The following PPARGC1A variants were observed in gnomAD, a reference collection of about 807,000 sequenced individuals.
PPARGC1A encodes the protein PPARG coactivator 1 alpha, also known as peroxisome proliferator-activated receptor gamma coactivator 1-alpha.
PPARGC1A carries 25 observed loss-of-function variants against 88.7 expected under a neutral mutation model. The ratio of observed to expected loss-of-function variants is 0.28; its 90% CI spans 0.21 to 0.39. The LOEUF (loss-of-function observed/expected upper bound fraction) is 0.39. Ranked by LOEUF, PPARGC1A falls within the 10% of genes least tolerant of loss-of-function variation. The pLI, the probability that PPARGC1A is intolerant of heterozygous loss-of-function variation, is 1.00. For missense variants in PPARGC1A, 880 were observed against 968.7 expected, an observed-to-expected ratio of 0.91 and a Z score of 1.22; for synonymous variants, 363 against 355.6, an observed-to-expected ratio of 1.02 and a Z score of -0.24.
At position 23,794,788 on chromosome 4, in the gene PPARGC1A, C is replaced by T. The variant is rs1054375277; in HGVS notation, c.*1034G>A. ...ATGTAGCAATTACACTATCTGAACA[C>T]ATCTCAGAGAGTTCTACCCAACTCT... On this transcript the variant is annotated 3_prime_UTR_variant, in exon 13 of 13. Transcript: ENST00000264867. The T allele has an allele frequency of 1.3e-5, 2 of 152,500 alleles. No individual in the cohort carries two copies. Among genetic ancestry groups the T allele is most frequent in the African/African-American group, 4.8e-5 (2 of 41,422 alleles). The allele number at this position is 152,500 out of a possible 1,614,324, so 9.4% of individuals were successfully genotyped here.
the PPARGC1A span, among the ~76,000 whole-genome samples, chr4:24,387,453 T>C: frequency 6.6e-6 from 1 of 151,868 alleles, no homozygotes; most frequent in East Asian, 1.9e-4. Context: ...AGGTTGGGCG[T>C]GGTGGCTCAT....
upstream of PPARGC1A, among the ~76,000 whole-genome samples, chr4:23,907,707 A>G (rs1448168184): frequency 6.6e-6 from 1 of 151,722 alleles, no homozygotes; most frequent in Non-Finnish European, 1.5e-5. Context: ...TGCAGTTCGC[A>G]CTATATAAAT....
the PPARGC1A span, among the ~76,000 whole-genome samples, chr4:24,311,317 G>A: frequency 6.8e-6 from 1 of 146,480 alleles, no homozygotes; most frequent in Admixed American, 6.7e-5. Context: ...TAGCCAGGAT[G>A]GTCTCGATCT....
At chr4:23,981,328 C>T in the PPARGC1A span, among the ~76,000 whole-genome samples, 1 of 152,128 alleles carries the variant, frequency 6.6e-6, no homozygotes, top group Admixed American at 6.6e-5. Flanking sequence ...AAGAACATAA[C>T]ACATGCAAAA....
the PPARGC1A span, among the ~76,000 whole-genome samples, chr4:24,160,697 T>C: frequency 3.3e-5 from 5 of 152,206 alleles, no homozygotes; most frequent in Admixed American, 6.5e-5. Flanking sequence ...CTTCCCCTTG[T>C]AGAAAATAAG....
the PPARGC1A span, among the ~76,000 whole-genome samples, chr4:24,092,558 C>T: frequency 2.0e-5 from 3 of 152,130 alleles, no homozygotes; most frequent in Admixed American, 6.5e-5. Context: ...ATCCACATGG[C>T]CCTGCCTATA....
chr4:24,039,666 C>A, the PPARGC1A span, among the ~76,000 whole-genome samples: 30 of 152,102 alleles, frequency 2.0e-4, no homozygotes, highest in Non-Finnish European at 7.4e-5. Flanking sequence ...GATGCACAAG[C>A]TACTTAATCT....
the PPARGC1A span, among the ~76,000 whole-genome samples, chr4:23,973,859 T>C: frequency 6.6e-6 from 1 of 152,070 alleles, no homozygotes; most frequent in African/African-American, 2.4e-5. Context: ...GTTGGTAACC[T>C]TTAAGGTATT....
chr4:23,812,085 T>G (rs61562528), intron 10 of PPARGC1A, among the ~76,000 whole-genome samples: 13,092 of 151,298 alleles, frequency 0.087, 599 homozygotes, highest in East Asian at 0.18. Context: ...GCCTGGCTAA[T>G]TTTTGTATTT....
At chr4:24,164,205 T>C in the PPARGC1A span, among the ~76,000 whole-genome samples, 4 of 152,192 alleles carry the variant, frequency 2.6e-5, no homozygotes, top group Non-Finnish European at 4.4e-5. Flanking sequence ...CTGAGCTCCA[T>C]GCAGAAAGAA....
At chr4:23,843,972 C>A (rs1727521635) in intron 2 of PPARGC1A, among the ~76,000 whole-genome samples, 1 of 151,738 alleles carries the variant, frequency 6.6e-6, no homozygotes, top group African/African-American at 2.4e-5. Flanking sequence ...ATACATATTA[C>A]AGATACATAT....
the PPARGC1A span, among the ~76,000 whole-genome samples, chr4:24,252,414 T>C: frequency 6.6e-6 from 1 of 152,190 alleles, no homozygotes; most frequent in Non-Finnish European, 1.5e-5. Context: ...TTTCTGCCTT[T>C]CGTGGTTTTT....
At chr4:24,368,027 A>G in the PPARGC1A span, among the ~76,000 whole-genome samples, 1 of 152,206 alleles carries the variant, frequency 6.6e-6, no homozygotes, top group African/African-American at 2.4e-5. Flanking sequence ...GAGAAAGGAA[A>G]AGATATCAAC....
the PPARGC1A span, among the ~76,000 whole-genome samples, chr4:24,297,960 A>G: frequency 1.8e-4 from 27 of 152,360 alleles, no homozygotes; most frequent in African/African-American, 6.3e-4. Flanking sequence ...TGTGGTAGCC[A>G]AAGAAAATAC....
chr4:23,821,839 AACTT>A, intron 7 of PPARGC1A, among the ~76,000 whole-genome samples: 1 of 151,936 alleles, frequency 6.6e-6, no homozygotes, highest in South Asian at 2.1e-4. Flanking sequence ...TCAGAATTTA[AACTT>A]GGGTTTGCCC....
chr4:24,150,682 G>A, the PPARGC1A span, among the ~76,000 whole-genome samples: 1 of 152,100 alleles, frequency 6.6e-6, no homozygotes, highest in Non-Finnish European at 1.5e-5. Context: ...CAGTGCCGTG[G>A]GCATTAGGAC....
chr4:24,023,172 C>G, the PPARGC1A span, among the ~76,000 whole-genome samples: 1 of 151,982 alleles, frequency 6.6e-6, no homozygotes, highest in South Asian at 2.1e-4. Flanking sequence ...TTACTCCTTT[C>G]GTATTTAAGA....
chr4:24,201,049 C>T, the PPARGC1A span, among the ~76,000 whole-genome samples: 1 of 152,160 alleles, frequency 6.6e-6, no homozygotes, highest in East Asian at 1.9e-4. Flanking sequence ...AGACAAGACT[C>T]CCTACTTCAA....
the PPARGC1A span, among the ~76,000 whole-genome samples, chr4:24,237,023 GA>G: frequency 4.6e-5 from 7 of 152,256 alleles, no homozygotes; most frequent in East Asian, 1.4e-3. Context: ...TATTATTGGG[GA>G]ATTGGGTGGC....
Sources: gnomAD v4.1 joint callset for allele counts (sites outside exome capture counted in the v4.1 genomes callset) on GRCh38, gnomAD v4.1.1 for gene constraint, MANE v1.5 for transcripts, NCBI Gene and HGNC (gene_info 2026-07-23, HGNC 2026-07-21) for gene names.